Variants in MINPP1 observed in about 807,000 individuals in gnomAD.
MINPP1 encodes the protein multiple inositol-polyphosphate phosphatase 1.
Under a neutral mutation model 46.1 loss-of-function variants are expected in MINPP1, and 28 were observed. The observed-to-expected ratio is 0.61, with a 90% CI of 0.45 to 0.83. MINPP1 has a LOEUF of 0.83. Among genes scored for constraint, MINPP1 ranks in the 40% least tolerant of loss-of-function variants. The pLI is 0.00. For synonymous variants in MINPP1, 268 were observed against 249.1 expected (o/e 1.08, Z -0.72); for missense variants, 603 against 610.0 (o/e 0.99, Z 0.12).
intron 2 of MINPP1, among the ~76,000 whole-genome samples, chr10:87,509,933 G>A (rs1851311243): frequency 6.6e-6 from 1 of 152,078 alleles, no homozygotes; most frequent in Non-Finnish European, 1.5e-5. Flanking sequence ...TCTCTGAATG[G>A]GCAAGAATTA....
intron 3 of MINPP1, among the ~76,000 whole-genome samples, chr10:87,520,764 C>T (rs57392751): frequency 0.034 from 5,099 of 152,078 alleles, 268 homozygotes; most frequent in African/African-American, 0.11. Flanking sequence ...CTTGAGCTGT[C>T]CTGACCTTGG....
chr10:87,528,047 G>A (rs1030960427), intron 4 of MINPP1, among the ~76,000 whole-genome samples: 42 of 152,170 alleles, frequency 2.8e-4, no homozygotes, highest in Admixed American at 3.9e-4. Flanking sequence ...GGGATTGGTG[G>A]TGATATCCCC....
intron 1 of MINPP1, among the ~76,000 whole-genome samples, chr10:87,507,306 A>C (rs1253056253): frequency 6.6e-6 from 1 of 152,244 alleles, no homozygotes; most frequent in East Asian, 1.9e-4. Context: ...TTGTTTAAAG[A>C]CTAGCAATAA....
intron 2 of MINPP1, among the ~76,000 whole-genome samples, chr10:87,511,180 A>G (rs555630807): frequency 2.6e-4 from 40 of 152,264 alleles, no homozygotes; most frequent in Admixed American, 5.9e-4. Context: ...TATATTAATT[A>G]TATCTTTTAA....
In MINPP1 at chr10:87,528,955, G is replaced by A. The variant is rs182447456; in HGVS notation, c.1067+7786G>A. ...TTCTTGTTGAATTGATCCCTCTACC[G>A]TTATGTAATGGCCTTCTTTGTCTCT... On this transcript the variant is annotated intron_variant, in intron 4 of 4. Coordinates refer to ENST00000371996, the MANE Select transcript of MINPP1 (RefSeq NM_004897.5). Among the ~76,000 whole-genome samples the A allele has an allele frequency of 4.7e-4, 72 of 152,164 alleles. 1 individual carries two copies. In the East Asian group the frequency reaches 7.9e-3, roughly 17 times the overall value.
In MINPP1 at chr10:87,521,102, C is replaced by G; in HGVS notation, c.1000C>G (p.Arg334Gly). ...KRGYGYTINSRSSCTLFQDIF... is the reference protein window; with the variant it reads ...KRGYGYTINSGSSCTLFQDIF... ...AGGATATGGGTATACTATTAACAGT[C>G]GATCCAGCTGCACCTTGTTTCAGGA... is the stretch of plus-strand genomic sequence containing the variant. Residue 334 changes from arginine (R) to glycine (G), a missense_variant, in exon 4 of 5, where the codon CGA becomes GGA. Arg to Gly is a moderately radical substitution (Grantham distance 125, BLOSUM62 -2). Coordinates refer to ENST00000371996, the MANE Select transcript of MINPP1 (RefSeq NM_004897.5). 3 of 1,585,122 alleles carry G rather than the reference C, an allele frequency of 1.9e-6. No homozygotes were observed. Among genetic ancestry groups the G allele is most frequent in the Non-Finnish European group, 2.6e-6 (3 of 1,154,392 alleles).
chr10:87,505,536 G>A lies in MINPP1; in HGVS notation c.621G>A (p.Pro207=). 1 of 1,607,334 alleles carries A rather than the reference G, an allele frequency of 6.2e-7. No individual in the cohort carries two copies. Among genetic ancestry groups the A allele is most frequent in the Non-Finnish European group, 8.5e-7 (1 of 1,179,152 alleles). ...GGCAGCACTACCACCCTGGCTTGCC[G>A]CCGCCGGACGTCGCAGGTGACCCCC... ...GLWQHYHPGL[P]PPDVADMEFG... is the part of the protein sequence containing the mutation. The change falls in exon 1 of 5, where the codon CCG becomes CCA. Residue 207 remains proline (P), a synonymous_variant. Transcript: ENST00000371996. The surrounding 1 kb of genome is among the most constrained non-coding windows in gnomAD (Gnocchi z 4.4).
intron 4 of MINPP1, among the ~76,000 whole-genome samples, chr10:87,545,974 C>T (rs1410272937): frequency 6.6e-6 from 1 of 152,144 alleles, no homozygotes; most frequent in East Asian, 1.9e-4. Flanking sequence ...AATTGGGATT[C>T]AGCCCCGGAG....
At position 87,552,322 on chromosome 10, in the gene MINPP1, G is replaced by A. The variant is rs143351581; in HGVS notation, c.1308G>A (p.Met436Ile). 4.3e-6 allele frequency: 7 copies of A among 1,613,816 alleles called. No individual in the cohort carries two copies. In the South Asian group the frequency reaches 4.4e-5, roughly 10 times the overall value. Residue 436 changes from methionine to isoleucine, a missense_variant, in exon 5 of 5, where the codon ATG becomes ATA. Physicochemically the swap from Met to Ile is conservative, Grantham distance 10. Transcript: ENST00000371996. ...KTPKEQFRVQMLLNEKVLPLA... is the reference protein window; with the variant it reads ...KTPKEQFRVQILLNEKVLPLA... ...CTAAAGAACAATTCCGAGTGCAGAT[G>A]TTATTAAATGAAAAGGTGTTACCTT...
intron 4 of MINPP1, among the ~76,000 whole-genome samples, chr10:87,531,400 TTGA>T (rs1851658872): frequency 6.6e-6 from 1 of 152,368 alleles, no homozygotes; most frequent in East Asian, 1.9e-4. Context: ...ATGCAACTAA[TTGA>T]GCACTCCATT....
chr10:87,541,243 AGTT>A (rs1324635668), intron 4 of MINPP1, among the ~76,000 whole-genome samples: 2 of 152,194 alleles, frequency 1.3e-5, no homozygotes, highest in African/African-American at 4.8e-5. Context: ...ACCTGGAGGC[AGTT>A]GTTTTTTTAT....
chr10:87,507,870 A>G, intron 1 of MINPP1: 1 of 1,083,020 alleles, frequency 9.2e-7, no homozygotes, highest in Non-Finnish European at 1.1e-6. Context: ...TGTCCAAAGC[A>G]GAATCTTTGT....
In MINPP1 at chr10:87,505,155, GGT is replaced by G; in HGVS notation, c.242_243del (p.Val81AlafsTer39). ...AGCTGCTGGAGGGGACCTGCACCCC[GGT>G]GCAGCTGGTCGCCCTCATTCGCCAC... ...PELLEGTCTPVQLVALIRHGT... is the reference protein window; with the variant it reads ...PELLEGTCTPXQLVALIRHGT... On this transcript the variant is annotated frameshift_variant, in exon 1 of 5. Transcript: ENST00000371996. LOFTEE classifies it high-confidence loss of function. This position sits in a 1 kb window ranked among gnomAD's most constrained non-coding sequence, Gnocchi z 4.4. 1 of 1,610,222 alleles carries G rather than the reference GGT, an allele frequency of 6.2e-7. No homozygotes were observed. The highest frequency in any genetic ancestry group is 8.5e-7 in the Non-Finnish European group (1 of 1,178,486).
intron 4 of MINPP1, among the ~76,000 whole-genome samples, chr10:87,529,672 A>G (rs1269433306): frequency 2.0e-5 from 3 of 152,102 alleles, no homozygotes; most frequent in Non-Finnish European, 2.9e-5. Flanking sequence ...GAATCTGACA[A>G]TTATGTGTCT....
rs759289123 is a variant in MINPP1 at position 87,504,901 on chromosome 10, C to T, written c.-15C>T. The T allele has an allele frequency of 6.2e-7, 1 of 1,608,276 alleles. No individual in the cohort carries two copies. The highest frequency in any genetic ancestry group is 1.3e-5 in the African/African-American group (1 of 74,888). ...TCTGCAGCTGGCTCGGCGCACTCCA[C>T]TGACCGTCCCGACGATGCTACGCGC... On this transcript the variant is annotated 5_prime_UTR_variant, in exon 1 of 5. Transcript: ENST00000371996.
chr10:87,525,032 A>G (rs1337235407), intron 4 of MINPP1, among the ~76,000 whole-genome samples: 1 of 152,192 alleles, frequency 6.6e-6, no homozygotes, highest in African/African-American at 2.4e-5. Context: ...TGGAAAAATT[A>G]CACAGATGGC....
Position 87,516,749 on chromosome 10 carries a change from A to G in MINPP1, c.933+3528A>G, listed in dbSNP as rs574883798. ...ATTTATGTTATCCATTATTTGCTGA[A>G]TTAAGCAAATATATCTTTTGATTTT... On this transcript the variant is annotated intron_variant, in intron 3 of 4. Coordinates refer to ENST00000371996, the MANE Select transcript of MINPP1 (RefSeq NM_004897.5). 2.3e-4 allele frequency among the ~76,000 whole-genome samples: 12 copies of G among 53,294 alleles called. 4 individuals are homozygous for G. The highest frequency in any genetic ancestry group is 1.9e-3 in the Admixed American group (11 of 5,828). The allele number at this position is 53,294 out of a possible 152,430, so 35.0% of individuals were successfully genotyped here.
In MINPP1 at chr10:87,552,799, A is replaced by G; in HGVS notation, c.*321A>G. 2.9e-6 allele frequency: 1 copy of G among 343,190 alleles called. No individual in the cohort carries two copies. The highest frequency in any genetic ancestry group is 7.0e-5 in the East Asian group (1 of 14,200). 21.3% of individuals were successfully genotyped at this position (343,190 alleles called of 1,614,324 possible). On this transcript the variant is annotated 3_prime_UTR_variant, in exon 5 of 5. Transcript: ENST00000371996. ...AATTGTGATTTCATAATAACACTTG[A>G]AAAGTGCTGGAGTAACAAAATATCT...
At chr10:87,547,204 T>TG (rs1387714559) in intron 4 of MINPP1, among the ~76,000 whole-genome samples, 1 of 149,934 alleles carries the variant, frequency 6.7e-6, no homozygotes, top group African/African-American at 2.4e-5. Context: ...CACTGCCCCC[T>TG]GGGTCAAGTG....
Sources: allele counts gnomAD v4.1 joint callset (sites outside exome capture counted in the v4.1 genomes callset), GRCh38; gene constraint gnomAD v4.1.1; non-coding constraint Gnocchi (gnomAD v3.1); transcripts MANE v1.5; gene names NCBI Gene and HGNC (gene_info 2026-07-23, HGNC 2026-07-21).